The following CUL4A variants were observed in gnomAD, a reference collection of about 807,000 sequenced individuals.
The protein encoded by CUL4A is cullin 4A.
In CUL4A, 16 loss-of-function variants were observed where a neutral mutation model predicts 95.5. The observed-to-expected ratio is 0.17, with a 90% CI of 0.11 to 0.25. CUL4A has a LOEUF of 0.25. Among genes scored for constraint, CUL4A ranks in the 10% least tolerant of loss-of-function variants. The pLI, the probability that CUL4A is intolerant of heterozygous loss-of-function variation, is 1.00. For synonymous variants in CUL4A, 380 were observed against 353.1 expected, an observed-to-expected ratio of 1.08 and a Z score of -0.85; for missense variants, 610 against 937.0, an observed-to-expected ratio of 0.65 and a Z score of 4.56.
At chr13:113,259,687 A>AAT (rs2042218870) in intron 18 of CUL4A, among the ~76,000 whole-genome samples, 1 of 152,212 alleles carries the variant, frequency 6.6e-6, no homozygotes. Flanking sequence ...ACATTTCTGG[A>AAT]ATATATCCTG....
chr13:113,233,090 T>G (rs1205313102), intron 5 of CUL4A, 87 bp from the exon 6 acceptor site: 146 of 1,348,340 alleles, frequency 1.1e-4, no homozygotes, highest in Non-Finnish European at 1.4e-4. Context: ...ATTTTTGGGA[T>G]GATATTGAAT....
rs893571100 is a variant in CUL4A at position 113,265,729 on chromosome 13, T to A, written c.*2147T>A. 6.6e-6 allele frequency: 1 copy of A among 152,214 alleles called. No individual in the cohort carries two copies. The highest frequency in any genetic ancestry group is 2.4e-5 in the African/African-American group (1 of 41,440). 9.4% of individuals were successfully genotyped at this position (152,214 alleles called of 1,614,324 possible). ...TAAAAGAAAGGAAAATCTATTTATA[T>A]CTATTCTCTTATTTAGCAATATTTA... On this transcript the variant is annotated 3_prime_UTR_variant, in exon 20 of 20. Transcript: ENST00000375440.
At chr13:113,241,969 A>G (rs1371453993) in intron 10 of CUL4A, among the ~76,000 whole-genome samples, 2 of 152,074 alleles carry the variant, frequency 1.3e-5, no homozygotes, top group Non-Finnish European at 1.5e-5. Context: ...TTAACTGTTT[A>G]TTAGTGCCCT....
rs1437707061 is a variant in CUL4A, at chr13:113,219,027, C to T, written c.347C>T (p.Ala116Val). 6.2e-7 allele frequency: 1 copy of T among 1,609,836 alleles called. No individual in the cohort carries two copies. The highest frequency in any genetic ancestry group is 8.5e-7 in the Non-Finnish European group (1 of 1,178,254). ...CAGGCCTGTGAAGACCACGTCCAGG[C>T]ACAGATCCTTCCGTTTAGAGAATAT... ...LRQACEDHVQ[A>V]QILPFREDSL... Residue 116 changes from alanine (A) to valine (V), a missense_variant, in exon 3 of 20, where the codon GCA becomes GTA. Ala to Val is a moderately conservative substitution (Grantham distance 64). Coordinates refer to ENST00000375440, the MANE Select transcript of CUL4A (RefSeq NM_001008895.4).
chr13:113,233,424 A>T, intron 6 of CUL4A, 85 bp downstream of exon 6: 1 of 1,308,772 alleles, frequency 7.6e-7, no homozygotes, highest in Non-Finnish European at 1.1e-6. Flanking sequence ...GATGTTAAAC[A>T]ATGAAATCAT....
At chr13:113,249,261 C>T (rs144643470) in intron 15 of CUL4A, among the ~76,000 whole-genome samples, 2 of 151,884 alleles carry the variant, frequency 1.3e-5, no homozygotes, top group East Asian at 1.9e-4. Flanking sequence ...CATACATGAG[C>T]GCTTTATTCC....
chr13:113,247,966 G>T lies in CUL4A; in HGVS notation c.1638+1903G>T, dbSNP rs1595413001. 2.0e-5 allele frequency among the ~76,000 whole-genome samples: 3 copies of T among 152,312 alleles called. No homozygotes were observed. The South Asian group carries it at 6.2e-4, about 32-fold the overall frequency. On this transcript the variant is annotated intron_variant, in intron 15 of 19. Coordinates refer to ENST00000375440, the MANE Select transcript of CUL4A (RefSeq NM_001008895.4). The stretch of plus-strand genomic sequence containing the variant: ...GGCCTTCGATGCTCCCTGTGAGTAG[G>T]TTCAGGTTGGGCAGGTCCAGCCAGA...
chr13:113,255,946 A>G (rs1396965452), intron 18 of CUL4A, among the ~76,000 whole-genome samples: 2 of 152,188 alleles, frequency 1.3e-5, no homozygotes, highest in Non-Finnish European at 2.9e-5. Flanking sequence ...GAGAAGGTCT[A>G]TCAGTTCTTT....
intron 10 of CUL4A, among the ~76,000 whole-genome samples, chr13:113,240,724 G>A (rs1292204280): frequency 6.6e-6 from 1 of 152,170 alleles, no homozygotes; most frequent in Non-Finnish European, 1.5e-5. Context: ...GGCAGGGTGT[G>A]TGGTTATAAA....
intron 3 of CUL4A, among the ~76,000 whole-genome samples, chr13:113,221,225 A>G (rs1188167079): frequency 6.6e-6 from 1 of 152,222 alleles, no homozygotes; most frequent in Non-Finnish European, 1.5e-5. Context: ...CTGAATTTGA[A>G]TCTTTGTGGA....
chr13:113,247,298 C>T (rs568473876), intron 15 of CUL4A, among the ~76,000 whole-genome samples: 84 of 152,276 alleles, frequency 5.5e-4, no homozygotes, highest in African/African-American at 1.9e-3. Context: ...ATCAATGTGA[C>T]TGGACAGAAG....
intron 3 of CUL4A, among the ~76,000 whole-genome samples, chr13:113,225,535 G>C (rs1314859380): frequency 1.3e-5 from 2 of 152,214 alleles, no homozygotes; most frequent in African/African-American, 4.8e-5. Context: ...GCCCCAGGTG[G>C]AACTCTGTCT....
At chr13:113,253,502 G>C (rs1364730690) in intron 16 of CUL4A, among the ~76,000 whole-genome samples, 1 of 151,956 alleles carries the variant, frequency 6.6e-6, no homozygotes, top group East Asian at 1.9e-4. Context: ...TAAACAGAGG[G>C]CTTCAAAGTA....
chr13:113,263,095 TG>T, intron 19 of CUL4A: 1 of 136,164 alleles, frequency 7.3e-6, no homozygotes, highest in Admixed American at 7.4e-5. Flanking sequence ...TACGTGCCCT[TG>T]CTGATGGCAG....
chr13:113,217,113 A>C (rs2040722631), intron 2 of CUL4A, among the ~76,000 whole-genome samples: 3 of 152,192 alleles, frequency 2.0e-5, no homozygotes, highest in Non-Finnish European at 1.5e-5. Context: ...ACATCCAGAA[A>C]ATGGTCCTAA....
intron 16 of CUL4A, 41 bp from the exon 17 acceptor site, chr13:113,254,652 C>T (rs1422261434): frequency 7.6e-7 from 1 of 1,308,502 alleles, no homozygotes; most frequent in East Asian, 2.4e-5. Context: ...AAAGATTGTA[C>T]ATGCACAGCT....
chr13:113,229,574 C>G, intron 5 of CUL4A, 55 bp downstream of exon 5: 1 of 1,427,848 alleles, frequency 7.0e-7, no homozygotes, highest in Non-Finnish European at 9.8e-7. Context: ...TGCTTTTCGT[C>G]CCGTTTGTGT....
intron 11 of CUL4A, 77 bp from the exon 12 acceptor site, chr13:113,244,333 G>A (rs999841146): frequency 1.9e-6 from 2 of 1,042,014 alleles, no homozygotes; most frequent in Admixed American, 2.1e-5. Context: ...GAATGTTCCT[G>A]TACAATGTTG....
intron 5 of CUL4A, 62 bp downstream of exon 5, chr13:113,229,581 G>A: frequency 1.5e-6 from 2 of 1,367,918 alleles, no homozygotes; most frequent in Non-Finnish European, 2.1e-6. Flanking sequence ...CGTCCCGTTT[G>A]TGTCTTCCGC....
Sources: allele counts gnomAD v4.1 joint callset (sites outside exome capture counted in the v4.1 genomes callset), GRCh38; gene constraint gnomAD v4.1.1; transcripts MANE v1.5; gene names NCBI Gene and HGNC (gene_info 2026-07-23, HGNC 2026-07-21).